The following CCDC178 variants were observed in gnomAD, a reference collection of about 807,000 sequenced individuals.
CCDC178 encodes coiled-coil domain containing 178, also known as coiled-coil domain-containing protein 178.
CCDC178 carries 126 observed loss-of-function variants against 117.4 expected under a neutral mutation model. The ratio of observed to expected loss-of-function variants is 1.07; its 90% CI spans 0.93 to 1.24. The LOEUF (loss-of-function observed/expected upper bound fraction) is 1.24. CCDC178 is among the 50% of genes most tolerant of loss of function. The pLI, the probability that CCDC178 is intolerant of heterozygous loss-of-function variation, is 0.00. For synonymous variants in CCDC178, 283 were observed against 313.4 expected (o/e 0.90, Z 1.02); for missense variants, 1,030 against 986.9 (o/e 1.04, Z -0.59).
At chr18:33,054,571 T>C (rs955749374) in intron 21 of CCDC178, among the ~76,000 whole-genome samples, 1 of 152,230 alleles carries the variant, frequency 6.6e-6, no homozygotes, top group African/African-American at 2.4e-5. Flanking sequence ...GGCTTCCAAC[T>C]CCATCCATGT....
At chr18:33,292,124 T>C (rs182237081) in intron 12 of CCDC178, among the ~76,000 whole-genome samples, 90 of 152,206 alleles carry the variant, frequency 5.9e-4, no homozygotes, top group Admixed American at 1.4e-3. Flanking sequence ...AAGAGATATC[T>C]ACACCTTCAT....
At chr18:33,074,385 A>G (rs1029060330) in intron 21 of CCDC178, among the ~76,000 whole-genome samples, 2 of 152,136 alleles carry the variant, frequency 1.3e-5, no homozygotes, top group Non-Finnish European at 2.9e-5. Flanking sequence ...GACTTCCAAC[A>G]TCATAGATTA....
chr18:33,100,244 T>C (rs1567988191), intron 20 of CCDC178, among the ~76,000 whole-genome samples: 1 of 152,108 alleles, frequency 6.6e-6, no homozygotes, highest in East Asian at 2.0e-4. Flanking sequence ...AGCTACTGCA[T>C]TAATTTATGC....
At chr18:33,261,876 GTATATTT>G (rs1292391010) in intron 14 of CCDC178, among the ~76,000 whole-genome samples, 2 of 152,044 alleles carry the variant, frequency 1.3e-5, no homozygotes, top group Non-Finnish European at 2.9e-5. Flanking sequence ...TCATTTTTAA[GTATATTT>G]TAATCACATT....
rs75249421 is a variant in CCDC178, at chr18:33,329,546, G to A, written c.879+3628C>T. Among the ~76,000 whole-genome samples the A allele has an allele frequency of 5.1e-3, 772 of 152,232 alleles. 7 individuals carry two copies. Among genetic ancestry groups the A allele is most frequent in the African/African-American group, 0.018 (741 of 41,544 alleles). ...TGTTTGTTCTTCAACTGAGACAATCGTGTGAGTGTGTGTGTTTCCTTTATT... is the reference window on the plus strand; with the variant it reads ...TGTTTGTTCTTCAACTGAGACAATCATGTGAGTGTGTGTGTTTCCTTTATT... On this transcript the variant is annotated intron_variant, in intron 10 of 22. Transcript: ENST00000383096.
At chr18:33,089,421 T>C (rs1299645849) in intron 21 of CCDC178, among the ~76,000 whole-genome samples, 1 of 152,006 alleles carries the variant, frequency 6.6e-6, no homozygotes, top group South Asian at 2.1e-4. Context: ...TAATAGCAAA[T>C]TCCCCAGGAT....
intron 2 of CCDC178, among the ~76,000 whole-genome samples, chr18:33,423,788 A>G (rs539355279): frequency 5.9e-5 from 9 of 152,306 alleles, no homozygotes; most frequent in African/African-American, 1.9e-4. Flanking sequence ...CTATTGCTCA[A>G]ATCCACAAAT....
intron 21 of CCDC178, among the ~76,000 whole-genome samples, chr18:32,980,057 G>C (rs146902111): frequency 2.9e-4 from 44 of 152,226 alleles, no homozygotes; most frequent in African/African-American, 1.0e-3. Flanking sequence ...AGATTGAAAT[G>C]AGGAAAGTTA....
intron 2 of CCDC178, among the ~76,000 whole-genome samples, chr18:33,433,313 T>G (rs1257502436): frequency 1.3e-5 from 2 of 152,176 alleles, no homozygotes; most frequent in African/African-American, 4.8e-5. Flanking sequence ...ACTGAATTAA[T>G]ACAAAGCATA....
chr18:33,115,207 T>G (rs1386901080), intron 20 of CCDC178, among the ~76,000 whole-genome samples: 1 of 152,066 alleles, frequency 6.6e-6, no homozygotes, highest in East Asian at 1.9e-4. Flanking sequence ...CATTTACTCA[T>G]GTCCCTGATG....
chr18:33,252,451 ACTTTTAT>A (rs2059628402), intron 14 of CCDC178, among the ~76,000 whole-genome samples: 1 of 151,828 alleles, frequency 6.6e-6, no homozygotes, highest in South Asian at 2.1e-4. Flanking sequence ...TTATTTGTAT[ACTTTTAT>A]CTTTTAATGT....
At chr18:33,351,504 T>G (rs893974024) in intron 7 of CCDC178, among the ~76,000 whole-genome samples, 1 of 152,026 alleles carries the variant, frequency 6.6e-6, no homozygotes, top group African/African-American at 2.4e-5. Context: ...TATAATTATA[T>G]TAATGCATTG....
In CCDC178 at chr18:33,408,508, T is replaced by C. The variant is rs114551940; in HGVS notation, c.58+3523A>G. ...AAAATATATAGAACTGTATATGTAT[T>C]ACATTAATATTTATATGTAATATAT... On this transcript the variant is annotated intron_variant, in intron 3 of 22. Transcript: ENST00000383096. Among the ~76,000 whole-genome samples, 552 of 151,972 alleles carry C rather than the reference T, an allele frequency of 3.6e-3. 6 individuals are homozygous for C. The highest frequency in any genetic ancestry group is 0.013 in the African/African-American group (534 of 41,530).
intron 21 of CCDC178, among the ~76,000 whole-genome samples, chr18:33,040,373 G>A (rs1404960036): frequency 1.3e-5 from 2 of 151,840 alleles, no homozygotes. Context: ...GGCAGACAAA[G>A]AAGATAAAAC....
chr18:33,298,040 GAA>G (rs71159811), intron 11 of CCDC178, among the ~76,000 whole-genome samples: 143 of 142,268 alleles, frequency 1.0e-3, no homozygotes, highest in Middle Eastern at 3.5e-3. Context: ...GACTCTGTCT[GAA>G]AAAAAAAAAA....
chr18:33,202,472 C>CA (rs2059002365), intron 20 of CCDC178, among the ~76,000 whole-genome samples: 1 of 135,828 alleles, frequency 7.4e-6, no homozygotes, highest in African/African-American at 2.7e-5. Context: ...ATTCAGTCGT[C>CA]AAAAGTTCTT....
In CCDC178 at chr18:33,290,678, G is replaced by T. The variant is rs569904040; in HGVS notation, c.1176+2481C>A. On this transcript the variant is annotated intron_variant, in intron 12 of 22. Coordinates refer to ENST00000383096, the MANE Select transcript of CCDC178 (RefSeq NM_001105528.4). Reference sequence around the variant, plus strand: ...ACTCAAAAGAAAATATAAGATCAGAGGATTCACTATAATAGATAATTAACA... The same window carrying T: ...ACTCAAAAGAAAATATAAGATCAGATGATTCACTATAATAGATAATTAACA... Among the ~76,000 whole-genome samples the T allele has an allele frequency of 7.5e-4, 114 of 152,154 alleles. 1 individual carries two copies. The highest frequency in any genetic ancestry group is 2.6e-3 in the African/African-American group (110 of 41,538).
At chr18:33,190,963 T>C (rs1038675929) in intron 20 of CCDC178, among the ~76,000 whole-genome samples, 3 of 152,208 alleles carry the variant, frequency 2.0e-5, no homozygotes, top group African/African-American at 7.2e-5. Context: ...AGCAATTTGC[T>C]TCTCACTTGC....
chr18:33,197,963 T>C (rs2058951057), intron 20 of CCDC178, among the ~76,000 whole-genome samples: 1 of 152,206 alleles, frequency 6.6e-6, no homozygotes, highest in Non-Finnish European at 1.5e-5. Context: ...CTTTATAGCC[T>C]ATTTCATTTT....
Sources: allele counts gnomAD v4.1 joint callset (sites outside exome capture counted in the v4.1 genomes callset), GRCh38; gene constraint gnomAD v4.1.1; transcripts MANE v1.5; gene names NCBI Gene and HGNC (gene_info 2026-07-23, HGNC 2026-07-21).